The following INPP5A variants were observed in gnomAD, a reference collection of about 807,000 sequenced individuals.
INPP5A encodes inositol polyphosphate-5-phosphatase A.
A neutral mutation model predicts 65.2 loss-of-function variants in INPP5A; 14 were observed. That is an observed-to-expected ratio of 0.21 (90% CI 0.14 to 0.34). The LOEUF is 0.34. Among genes scored for constraint, INPP5A ranks in the 10% least tolerant of loss-of-function variants. The pLI is 1.00. For synonymous variants in INPP5A, 207 were observed against 208.3 expected, an observed-to-expected ratio of 0.99 and a Z score of 0.05; for missense variants, 431 against 545.6, an observed-to-expected ratio of 0.79 and a Z score of 2.09.
At chr10:132,693,402 C>A (rs1845299230) in intron 5 of INPP5A, among the ~76,000 whole-genome samples, 1 of 151,732 alleles carries the variant, frequency 6.6e-6, no homozygotes. Flanking sequence ...AAAAAAATAC[C>A]CAACTATATG....
chr10:132,546,116 C>T lies in INPP5A; in HGVS notation c.75+7945C>T. On this transcript the variant is annotated intron_variant, in intron 1 of 15. Transcript: ENST00000368594. The surrounding 1 kb of genome is among the most constrained non-coding windows in gnomAD (Gnocchi z 5.7). ...GCCTGCAGCCCTTGGCCGTGTCACG[C>T]CATGTGCTCATGTGACCGAGGACGC... 6.6e-6 allele frequency among the ~76,000 whole-genome samples: 1 copy of T among 152,320 alleles called. No individual in the cohort carries two copies. The highest frequency in any genetic ancestry group is 2.1e-4 in the South Asian group (1 of 4,822).
intron 12 of INPP5A, among the ~76,000 whole-genome samples, chr10:132,767,552 C>T (rs2134676857): frequency 6.6e-6 from 1 of 152,298 alleles, no homozygotes; most frequent in Admixed American, 6.5e-5. Context: ...CCAGGCATGC[C>T]AGCCTTATCC....
chr10:132,730,758 C>T (rs1343966590), intron 9 of INPP5A, among the ~76,000 whole-genome samples: 1 of 152,216 alleles, frequency 6.6e-6, no homozygotes, highest in South Asian at 2.1e-4. Context: ...GTCCCAGCCG[C>T]GTTGGCGTGT....
chr10:132,645,908 G>C lies in INPP5A; in HGVS notation c.158G>C (p.Cys53Ser). Reference protein sequence around the residue: ...THKPHFMALHCQEFGGKNYEA... With the variant: ...THKPHFMALHSQEFGGKNYEA... Reference sequence around the variant, plus strand: ...AAGCCGCACTTCATGGCCTTGCACTGTCAGGAGTTTGGAGGGAAGAACTAC... The same window carrying C: ...AAGCCGCACTTCATGGCCTTGCACTCTCAGGAGTTTGGAGGGAAGAACTAC... The change falls in exon 3 of 16, where the codon TGT becomes TCT. Residue 53 changes from cysteine to serine, a missense_variant. Coordinates refer to ENST00000368594, the MANE Select transcript of INPP5A (RefSeq NM_005539.5). 1.2e-6 allele frequency: 2 copies of C among 1,614,118 alleles called. No homozygotes were observed. Among genetic ancestry groups the C allele is most frequent in the East Asian group, 4.5e-5 (2 of 44,886 alleles).
chr10:132,689,875 G>A (rs1369517435), intron 4 of INPP5A, among the ~76,000 whole-genome samples: 2 of 152,376 alleles, frequency 1.3e-5, no homozygotes, highest in Non-Finnish European at 2.9e-5. Context: ...CTCCTGGGGC[G>A]ATGGGGCAGG....
intron 8 of INPP5A, among the ~76,000 whole-genome samples, chr10:132,714,778 C>A (rs758013799): frequency 6.6e-6 from 1 of 152,234 alleles, no homozygotes; most frequent in African/African-American, 2.4e-5. Context: ...AGCCCCAGGG[C>A]GAGTGCTGCG....
chr10:132,628,463 C>CGGGGGGGG (rs55668291), intron 2 of INPP5A, among the ~76,000 whole-genome samples: 5 of 23,310 alleles, frequency 2.1e-4, no homozygotes, highest in Admixed American at 4.2e-4. Flanking sequence ...GCTCTGGTGG[C>CGGGGGGGG]GGGGGGGGGG....
In INPP5A at chr10:132,571,660, C is replaced by G. The variant is rs559798497; in HGVS notation, c.75+33489C>G. Among the ~76,000 whole-genome samples, 163 of 152,316 alleles carry G rather than the reference C, an allele frequency of 1.1e-3. 1 individual carries two copies. The highest frequency in any genetic ancestry group is 3.8e-3 in the African/African-American group (157 of 41,558). On this transcript the variant is annotated intron_variant, in intron 1 of 15. Coordinates refer to ENST00000368594, the MANE Select transcript of INPP5A (RefSeq NM_005539.5). ...CCCTGACGTTTGTGCCGTAAGGACCCGGAGTGTCTGCAGGCAGACCTGTCA... is the reference window on the plus strand; with the variant it reads ...CCCTGACGTTTGTGCCGTAAGGACCGGGAGTGTCTGCAGGCAGACCTGTCA...
intron 8 of INPP5A, among the ~76,000 whole-genome samples, chr10:132,724,555 G>C (rs1243217196): frequency 1.3e-5 from 2 of 151,814 alleles, no homozygotes; most frequent in African/African-American, 4.8e-5. Flanking sequence ...GTTCACCACA[G>C]ACGGGGGTTA....
Position 132,537,829 on chromosome 10 carries a change from C to A in INPP5A, c.-268C>A. 2 of 366,788 alleles carry A rather than the reference C, an allele frequency of 5.5e-6. No individual in the cohort carries two copies. Among genetic ancestry groups the A allele is most frequent in the East Asian group, 3.9e-5 (1 of 25,512 alleles). 22.7% of individuals were successfully genotyped at this position (366,788 alleles called of 1,614,324 possible). A position where few individuals can be genotyped will look rare whatever the true frequency, so the allele number is the denominator to read the frequency against. On this transcript the variant is annotated 5_prime_UTR_variant, in exon 1 of 16. Transcript: ENST00000368594. ...GTCGGCGGCGGCTGCGGGAACTTTC[C>A]CAGCGGATCTAATGGCTGCGCGCGG...
rs532439801 is a variant in INPP5A, at chr10:132,753,567, A to G, written c.903+3722A>G. On this transcript the variant is annotated intron_variant, in intron 11 of 15. Coordinates refer to ENST00000368594, the MANE Select transcript of INPP5A (RefSeq NM_005539.5). The surrounding 1 kb of genome is among the most constrained non-coding windows in gnomAD (Gnocchi z 5.3). ...TAGTCGATATTCCCATCGAAATTGT[A>G]TAATTAATTATAAGTGTAGCTGTCA... Among the ~76,000 whole-genome samples, 12 of 152,284 alleles carry G rather than the reference A, an allele frequency of 7.9e-5. No homozygotes were observed. Among genetic ancestry groups the G allele is most frequent in the Non-Finnish European group, 1.3e-4 (9 of 68,028 alleles).
chr10:132,691,419 C>T (rs184707899), intron 5 of INPP5A, among the ~76,000 whole-genome samples: 155 of 152,346 alleles, frequency 1.0e-3, no homozygotes, highest in African/African-American at 3.5e-3. Flanking sequence ...GCGTGCTGTG[C>T]GCTCAGGCAC....
In INPP5A at chr10:132,587,444, C is replaced by G. The variant is rs1316642518; in HGVS notation, c.76-20471C>G. Among the ~76,000 whole-genome samples, 1 of 152,168 alleles carries G rather than the reference C, an allele frequency of 6.6e-6. No individual in the cohort carries two copies. The highest frequency in any genetic ancestry group is 1.5e-5 in the Non-Finnish European group (1 of 68,036). On this transcript the variant is annotated intron_variant, in intron 1 of 15. Coordinates refer to ENST00000368594, the MANE Select transcript of INPP5A (RefSeq NM_005539.5). The surrounding 1 kb of genome is among the most constrained non-coding windows in gnomAD (Gnocchi z 4.3). ...GGATCCTGGCATGGCCTGTGTGATT[C>G]GAGGTCAGAAATCATGACGGGGAAA...
At chr10:132,755,313 TTGAG>T (rs1418328684) in intron 11 of INPP5A, among the ~76,000 whole-genome samples, 3 of 138,260 alleles carry the variant, frequency 2.2e-5, no homozygotes, top group African/African-American at 8.2e-5. Context: ...GCATATGCAT[TTGAG>T]TGGGCGAGTG....
At chr10:132,566,078 G>A (rs777383818) in intron 1 of INPP5A, among the ~76,000 whole-genome samples, 24 of 152,108 alleles carry the variant, frequency 1.6e-4, no homozygotes, top group Non-Finnish European at 2.9e-4. Context: ...ATGTGTGGTC[G>A]TCCTTGGTTC....
At chr10:132,608,704 T>C (rs1453194117) in intron 2 of INPP5A, among the ~76,000 whole-genome samples, 1 of 152,108 alleles carries the variant, frequency 6.6e-6, no homozygotes, top group East Asian at 1.9e-4. Flanking sequence ...GGTGGTGAGG[T>C]CAGCTTCAGG....
intron 5 of INPP5A, among the ~76,000 whole-genome samples, chr10:132,693,665 A>C (rs1421286602): frequency 6.6e-6 from 1 of 152,268 alleles, no homozygotes; most frequent in East Asian, 1.9e-4. Context: ...TTTGAAAAAA[A>C]CAATAAAATG....
At position 132,572,781 on chromosome 10, in the gene INPP5A, C is replaced by T. The variant is rs76770759; in HGVS notation, c.75+34610C>T. Among the ~76,000 whole-genome samples, 34 of 152,286 alleles carry T rather than the reference C, an allele frequency of 2.2e-4. 1 individual carries two copies. In the East Asian group the frequency reaches 6.6e-3, roughly 29 times the overall value. On this transcript the variant is annotated intron_variant, in intron 1 of 15. Transcript: ENST00000368594. The stretch of plus-strand genomic sequence containing the variant: ...TAACCTGGTGTTGCTTCTGGCCCTG[C>T]CTCTGCTGGGCGTCTGTCTGCAGCG...
chr10:132,643,664 C>T (rs2072456145), intron 2 of INPP5A, among the ~76,000 whole-genome samples: 1 of 152,128 alleles, frequency 6.6e-6, no homozygotes, highest in Non-Finnish European at 1.5e-5. Context: ...CAGCCTGGCC[C>T]AGGTCTGAGG....
Sources: allele counts gnomAD v4.1 joint callset (sites outside exome capture counted in the v4.1 genomes callset), GRCh38; gene constraint gnomAD v4.1.1; non-coding constraint Gnocchi (gnomAD v3.1); transcripts MANE v1.5; gene names NCBI Gene and HGNC (gene_info 2026-07-23, HGNC 2026-07-21).